The following CRADD variants were observed in gnomAD, a reference collection of about 807,000 sequenced individuals.
The protein encoded by CRADD is death domain-containing protein CRADD.
A neutral mutation model predicts 15.5 loss-of-function variants in CRADD; 9 were observed. That is an observed-to-expected ratio of 0.58 (90% CI 0.35 to 1.01). The LOEUF is 1.01. CRADD is among the 50% of genes least tolerant of loss of function. The probability of loss-of-function intolerance (pLI) is 0.02; values close to 1 mark genes in which losing one functional copy is unlikely to be tolerated. For missense variants in CRADD, 227 were observed against 250.3 expected (o/e 0.91, Z 0.63); for synonymous variants, 118 against 107.6 (o/e 1.10, Z -0.60).
At chr12:93,853,680 A>T (rs1958247255), downstream of CRADD, among the ~76,000 whole-genome samples, 1 of 152,304 alleles carries the variant, frequency 6.6e-6, no homozygotes, top group South Asian at 2.1e-4. Context: ...TAACAGCAAG[A>T]TGGCCTCTAC....
intron 2 of CRADD, among the ~76,000 whole-genome samples, chr12:93,887,888 T>C (rs1421336741): frequency 6.6e-6 from 1 of 152,184 alleles, no homozygotes; most frequent in East Asian, 1.9e-4. Flanking sequence ...GTAGACTTCA[T>C]GTATAACATG....
At chr12:93,851,447 C>A (rs978723767), downstream of CRADD, among the ~76,000 whole-genome samples, 37 of 152,222 alleles carry the variant, frequency 2.4e-4, no homozygotes, top group African/African-American at 8.4e-4. Context: ...CCTCAGTTTC[C>A]TCATTGGCAG....
chr12:93,704,450 T>C (rs1955902762), intron 2 of CRADD, among the ~76,000 whole-genome samples: 1 of 152,190 alleles, frequency 6.6e-6, no homozygotes, highest in Admixed American at 6.5e-5. Flanking sequence ...AACTTAGGCA[T>C]CATCCTTGTT....
At chr12:93,691,309 A>G (rs1307002007) in intron 2 of CRADD, among the ~76,000 whole-genome samples, 2 of 150,112 alleles carry the variant, frequency 1.3e-5, no homozygotes, top group East Asian at 3.9e-4. Flanking sequence ...GCTGGGGTGC[A>G]ATGGCGCGAT....
At chr12:93,798,952 C>G (rs1565918201) in intron 2 of CRADD, among the ~76,000 whole-genome samples, 1 of 152,102 alleles carries the variant, frequency 6.6e-6, no homozygotes, top group East Asian at 1.9e-4. Context: ...GCTTTAGGAG[C>G]CCTGGGCTCT....
intron 2 of CRADD, among the ~76,000 whole-genome samples, chr12:93,768,538 G>A (rs1957049269): frequency 6.6e-6 from 1 of 151,030 alleles, no homozygotes; most frequent in South Asian, 2.1e-4. Flanking sequence ...TTGAAATTAA[G>A]CAATTAACTT....
chr12:93,781,739 T>C (rs1441784657), intron 2 of CRADD, among the ~76,000 whole-genome samples: 6 of 152,198 alleles, frequency 3.9e-5, no homozygotes, highest in African/African-American at 7.2e-5. Context: ...TACCAGGTTA[T>C]AGGAAATACG....
intron 1 of CRADD, among the ~76,000 whole-genome samples, chr12:93,678,430 G>T (rs777017016): frequency 2.0e-5 from 3 of 152,018 alleles, no homozygotes; most frequent in African/African-American, 7.3e-5. Context: ...GTGCTGCTCT[G>T]TAATCTTCAG....
intron 2 of CRADD, among the ~76,000 whole-genome samples, chr12:93,862,037 T>C (rs1194913390): frequency 2.6e-5 from 4 of 152,240 alleles, no homozygotes; most frequent in Non-Finnish European, 5.9e-5. Flanking sequence ...CTGCACAAGC[T>C]CTCTTACCTG....
intron 2 of CRADD, among the ~76,000 whole-genome samples, chr12:93,801,024 A>T (rs1335793631): frequency 7.9e-5 from 12 of 152,128 alleles, no homozygotes; most frequent in Non-Finnish European, 1.5e-5. Context: ...TTGAATCTAG[A>T]GGCTTGATTA....
chr12:93,744,381 A>C (rs976240082), intron 2 of CRADD, among the ~76,000 whole-genome samples: 2 of 152,224 alleles, frequency 1.3e-5, no homozygotes, highest in Non-Finnish European at 2.9e-5. Context: ...AGGCAGCCAC[A>C]GTGTGCAGAA....
intron 2 of CRADD, among the ~76,000 whole-genome samples, chr12:93,810,419 C>T (rs764496511): frequency 4.0e-5 from 6 of 151,630 alleles, no homozygotes; most frequent in Non-Finnish European, 7.4e-5. Flanking sequence ...GGCATGGTGG[C>T]GCATGCCTGT....
intron 2 of CRADD, among the ~76,000 whole-genome samples, chr12:93,843,166 A>G (rs1346412857): frequency 6.6e-6 from 1 of 152,092 alleles, no homozygotes; most frequent in Non-Finnish European, 1.5e-5. Flanking sequence ...ATCACTAGCA[A>G]TTAGAAGGTG....
chr12:93,888,192 G>A (rs529725561), intron 2 of CRADD, among the ~76,000 whole-genome samples: 203 of 152,274 alleles, frequency 1.3e-3, no homozygotes, highest in African/African-American at 3.9e-3. Flanking sequence ...TTGGGAGGCC[G>A]AGGCAGGCGG....
chr12:93,770,982 T>C (rs1474711694), intron 2 of CRADD, among the ~76,000 whole-genome samples: 2 of 152,234 alleles, frequency 1.3e-5, no homozygotes, highest in Non-Finnish European at 2.9e-5. Flanking sequence ...TCTTTCCATT[T>C]ATTTGTGTTT....
At chr12:93,801,841 A>G (rs920888728) in intron 2 of CRADD, among the ~76,000 whole-genome samples, 3 of 151,904 alleles carry the variant, frequency 2.0e-5, no homozygotes, top group African/African-American at 7.3e-5. Context: ...TGTCTTTTAT[A>G]CCTCACCCCC....
intron 2 of CRADD, among the ~76,000 whole-genome samples, chr12:93,768,143 T>G (rs894232145): frequency 1.3e-5 from 2 of 152,202 alleles, no homozygotes; most frequent in African/African-American, 4.8e-5. Flanking sequence ...CGTAAACCAA[T>G]GAAATATGAG....
At chr12:93,801,222 G>T (rs1957473640) in intron 2 of CRADD, among the ~76,000 whole-genome samples, 1 of 152,072 alleles carries the variant, frequency 6.6e-6, no homozygotes, top group Admixed American at 6.5e-5. Context: ...TTTCACAATG[G>T]TTTAATGTTT....
At chr12:93,823,718 G>A (rs150305668) in intron 2 of CRADD, among the ~76,000 whole-genome samples, 3 of 152,274 alleles carry the variant, frequency 2.0e-5, no homozygotes, top group Non-Finnish European at 2.9e-5. Context: ...TGTGGTTCAC[G>A]CAGAAGTGGA....
Sources: gnomAD v4.1 joint callset for allele counts (sites outside exome capture counted in the v4.1 genomes callset) on GRCh38, gnomAD v4.1.1 for gene constraint, MANE v1.5 for transcripts, NCBI Gene and HGNC (gene_info 2026-07-23, HGNC 2026-07-21) for gene names.